The following ANO4 variants were observed in gnomAD, a reference collection of about 807,000 sequenced individuals.
ANO4 encodes anoctamin 4, also known as anoctamin-4.
ANO4 carries 69 observed loss-of-function variants against 141.9 expected under a neutral mutation model. That is an observed-to-expected ratio of 0.49 (90% CI 0.40 to 0.59). ANO4 has a LOEUF of 0.59. Ranked by LOEUF, ANO4 falls within the 20% of genes least tolerant of loss-of-function variation. ANO4 has a pLI of 0.00. For synonymous variants in ANO4, 350 were observed against 394.3 expected (o/e 0.89, Z 1.33); for missense variants, 894 against 1,162.2 (o/e 0.77, Z 3.36).
chr12:100,915,825 G>T (rs1488674407), intron 2 of ANO4, among the ~76,000 whole-genome samples: 6 of 152,198 alleles, frequency 3.9e-5, no homozygotes, highest in African/African-American at 1.2e-4. Context: ...ATGAGTCAAG[G>T]TCACATAAAA....
At chr12:100,760,327 CA>C (rs1173265285) in intron 3 of ANO4, among the ~76,000 whole-genome samples, 2 of 152,176 alleles carry the variant, frequency 1.3e-5, no homozygotes, top group African/African-American at 2.4e-5. Flanking sequence ...CCTTGTTTGA[CA>C]GCCAAGAAAA....
chr12:101,073,135 A>G (rs964372827), intron 14 of ANO4, among the ~76,000 whole-genome samples: 5 of 152,294 alleles, frequency 3.3e-5, no homozygotes, highest in African/African-American at 7.2e-5. Context: ...ACATGCACAC[A>G]TGTTTATTGC....
Position 101,094,273 on chromosome 12 carries a change from C to T in ANO4, c.1719C>T (p.Ala573=). 10 of 1,611,420 alleles carry T rather than the reference C, an allele frequency of 6.2e-6. No individual in the cohort carries two copies. The highest frequency in any genetic ancestry group is 8.5e-6 in the Non-Finnish European group (10 of 1,177,982). Reference sequence around the variant, plus strand: ...TTTTACAGCTCTATGAAAAAGTTGCCCTGCTTCTGACGAATTTAGGTGAGT... The same window carrying T: ...TTTTACAGCTCTATGAAAAAGTTGCTCTGCTTCTGACGAATTTAGGTGAGT... ...MLLNVLYEKV[A]LLLTNLEQPR... Residue 573 remains alanine (A), a synonymous_variant, in exon 18 of 28, where the codon GCC becomes GCT. Transcript: ENST00000392977.
intron 1 of ANO4, among the ~76,000 whole-genome samples, chr12:100,885,196 A>G (rs1258079195): frequency 1.3e-5 from 2 of 152,230 alleles, no homozygotes; most frequent in Non-Finnish European, 2.9e-5. Flanking sequence ...TAAATCTGCA[A>G]AGTCCCTGTT....
intron 24 of ANO4, among the ~76,000 whole-genome samples, chr12:101,116,122 G>A (rs545400316): frequency 6.6e-6 from 1 of 152,206 alleles, no homozygotes; most frequent in Non-Finnish European, 1.5e-5. Context: ...GGCCGCTGAA[G>A]GATAAATACT....
chr12:101,079,396 C>T (rs2049153702), intron 15 of ANO4, 121 bp downstream of exon 15: 3 of 794,670 alleles, frequency 3.8e-6, no homozygotes, highest in Non-Finnish European at 2.0e-6. Flanking sequence ...AAAGCATTTT[C>T]AATTGCCTTT....
At chr12:100,723,785 C>T (rs577085799) in intron 1 of ANO4, among the ~76,000 whole-genome samples, 110 of 152,240 alleles carry the variant, frequency 7.2e-4, no homozygotes, top group Admixed American at 1.6e-3. Flanking sequence ...CCAAATGCCC[C>T]ATCCCCAAAT....
upstream of ANO4, among the ~76,000 whole-genome samples, chr12:100,794,139 C>A (rs144777070): frequency 6.6e-6 from 1 of 152,192 alleles, no homozygotes; most frequent in East Asian, 1.9e-4. Context: ...GACCTTTGAC[C>A]CTTCTCTGTC....
At chr12:101,114,761 A>T (rs1230168793) in intron 24 of ANO4, among the ~76,000 whole-genome samples, 2 of 152,084 alleles carry the variant, frequency 1.3e-5, no homozygotes, top group Admixed American at 1.3e-4. Context: ...ACAGCTAATC[A>T]TCCTCAAGGC....
intron 5 of ANO4, among the ~76,000 whole-genome samples, chr12:100,970,450 A>G (rs567221354): frequency 6.6e-6 from 1 of 152,132 alleles, no homozygotes; most frequent in South Asian, 2.1e-4. Context: ...CTTTGCACCC[A>G]GAGCGCTCAT....
intron 6 of ANO4, among the ~76,000 whole-genome samples, chr12:100,972,105 G>T (rs2043959663): frequency 6.6e-6 from 1 of 152,222 alleles, no homozygotes; most frequent in African/African-American, 2.4e-5. Context: ...AAGATATGTG[G>T]GTCTTTTGTA....
At chr12:100,803,695 G>A (rs1439098824) in intron 1 of ANO4, among the ~76,000 whole-genome samples, 1 of 152,094 alleles carries the variant, frequency 6.6e-6, no homozygotes, top group Non-Finnish European at 1.5e-5. Flanking sequence ...TGGACCTTGG[G>A]CAAGTGAGCT....
chr12:100,739,480 C>A (rs145614122), intron 2 of ANO4, among the ~76,000 whole-genome samples: 53 of 152,248 alleles, frequency 3.5e-4, no homozygotes, highest in African/African-American at 1.3e-3. Flanking sequence ...GTTTTCTCAT[C>A]TGTAAAACTG....
At chr12:100,982,185 AT>A (rs2136313495) in intron 7 of ANO4, among the ~76,000 whole-genome samples, 1 of 152,258 alleles carries the variant, frequency 6.6e-6, no homozygotes, top group South Asian at 2.1e-4. Context: ...CCCTTTATTG[AT>A]TTGCCTGTGT....
intron 8 of ANO4, among the ~76,000 whole-genome samples, chr12:101,001,782 C>T (rs1209267571): frequency 6.6e-6 from 1 of 152,166 alleles, no homozygotes; most frequent in Non-Finnish European, 1.5e-5. Context: ...TTCTGACTCA[C>T]ATCCAGGAGT....
At chr12:101,081,467 T>C (rs1341718794) in intron 15 of ANO4, among the ~76,000 whole-genome samples, 4 of 152,178 alleles carry the variant, frequency 2.6e-5, no homozygotes, top group African/African-American at 9.6e-5. Context: ...CGTGGAGTGC[T>C]GAATTGTCCT....
At chr12:100,806,280 T>C (rs80175753) in intron 1 of ANO4, among the ~76,000 whole-genome samples, 2,295 of 152,236 alleles carry the variant, frequency 0.015, 61 homozygotes, top group African/African-American at 0.053. Flanking sequence ...CGCCAGTTTA[T>C]ACTCCCATCA....
At chr12:101,038,240 CTAA>C (rs1203411237) in intron 10 of ANO4, among the ~76,000 whole-genome samples, 3 of 152,186 alleles carry the variant, frequency 2.0e-5, no homozygotes, top group African/African-American at 7.2e-5. Flanking sequence ...TTTCTGAACT[CTAA>C]AGACATACTG....
rs368212146 is a variant in ANO4 at position 100,720,741 on chromosome 12, T to G, written c.22+3194T>G. 5.9e-5 allele frequency among the ~76,000 whole-genome samples: 9 copies of G among 152,196 alleles called. No individual in the cohort carries two copies. In the South Asian group the frequency reaches 6.2e-4, roughly 10 times the overall value. On this transcript the variant is annotated intron_variant, in intron 1 of 29. Transcript: ENST00000644049. The stretch of plus-strand genomic sequence containing the variant: ...AGTCAGTCTCGTAGTGGGAGACCTG[T>G]AAACTGGAGCAAGAAAGTTTTCAGA...
Sources: gnomAD v4.1 joint callset for allele counts (sites outside exome capture counted in the v4.1 genomes callset) on GRCh38, gnomAD v4.1.1 for gene constraint, MANE v1.5 for transcripts, NCBI Gene and HGNC (gene_info 2026-07-23, HGNC 2026-07-21) for gene names.